Variants in PPARGC1A observed in about 807,000 individuals in gnomAD.
The protein encoded by PPARGC1A is peroxisome proliferator-activated receptor gamma coactivator 1-alpha.
Under a neutral mutation model 88.7 loss-of-function variants are expected in PPARGC1A, and 25 were observed. The ratio of observed to expected loss-of-function variants is 0.28; its 90% CI spans 0.21 to 0.39. PPARGC1A has a LOEUF of 0.39. PPARGC1A is among the 10% of genes least tolerant of loss of function. PPARGC1A has a pLI of 1.00. For missense variants in PPARGC1A, 880 were observed against 968.7 expected (o/e 0.91, Z 1.22); for synonymous variants, 363 against 355.6 (o/e 1.02, Z -0.24).
the PPARGC1A span, among the ~76,000 whole-genome samples, chr4:24,150,189 G>GT: frequency 1.3e-5 from 2 of 152,154 alleles, no homozygotes; most frequent in African/African-American, 4.8e-5. Flanking sequence ...ACCGGGCAGT[G>GT]TTTTGTGGTT....
At chr4:24,303,595 A>G in the PPARGC1A span, among the ~76,000 whole-genome samples, 7 of 152,260 alleles carry the variant, frequency 4.6e-5, no homozygotes, top group African/African-American at 1.7e-4. Context: ...CAGAAATTCA[A>G]TTACATTTCA....
At chr4:24,370,783 C>CTTTTTTTTTTTTTTTTTT in the PPARGC1A span, among the ~76,000 whole-genome samples, 9 of 64,460 alleles carry the variant, frequency 1.4e-4, no homozygotes, top group African/African-American at 1.3e-4. Flanking sequence ...TTTTTTTTTA[C>CTTTTTTTTTTTTTTTTTT]TTTAAGTTCT....
chr4:24,283,813 A>G, the PPARGC1A span, among the ~76,000 whole-genome samples: 2 of 152,218 alleles, frequency 1.3e-5, no homozygotes, highest in Admixed American at 6.5e-5. Flanking sequence ...CAGAAAAGGG[A>G]TAATGACACT....
At chr4:24,061,143 C>T in the PPARGC1A span, among the ~76,000 whole-genome samples, 21 of 152,204 alleles carry the variant, frequency 1.4e-4, no homozygotes, top group African/African-American at 5.1e-4. Context: ...TCTAGAGCCA[C>T]CTCCTAGAAT....
the PPARGC1A span, among the ~76,000 whole-genome samples, chr4:24,445,371 G>T: frequency 6.6e-6 from 1 of 152,210 alleles, no homozygotes; most frequent in Non-Finnish European, 1.5e-5. Flanking sequence ...CCGTAAGGCT[G>T]TGTGGATACA....
At chr4:23,937,724 T>A in the PPARGC1A span, among the ~76,000 whole-genome samples, 1 of 152,084 alleles carries the variant, frequency 6.6e-6, no homozygotes, top group African/African-American at 2.4e-5. Flanking sequence ...ATACATACTA[T>A]AAGTCTGAAT....
At chr4:24,275,343 C>T in the PPARGC1A span, among the ~76,000 whole-genome samples, 1 of 152,208 alleles carries the variant, frequency 6.6e-6, no homozygotes, top group Non-Finnish European at 1.5e-5. Context: ...GCTACAAGGT[C>T]TGTGTAAACT....
chr4:24,381,665 A>T, the PPARGC1A span, among the ~76,000 whole-genome samples: 1 of 152,238 alleles, frequency 6.6e-6, no homozygotes, highest in Non-Finnish European at 1.5e-5. Flanking sequence ...GTGTTACTCA[A>T]GTAATTGAAA....
the PPARGC1A span, among the ~76,000 whole-genome samples, chr4:24,157,938 C>T: frequency 6.6e-6 from 1 of 151,998 alleles, no homozygotes; most frequent in African/African-American, 2.4e-5. Flanking sequence ...AAAAACCACT[C>T]CCCCAACCCC....
At chr4:24,040,523 T>G in the PPARGC1A span, among the ~76,000 whole-genome samples, 1 of 152,142 alleles carries the variant, frequency 6.6e-6, no homozygotes, top group East Asian at 1.9e-4. Flanking sequence ...CACAAGCTCT[T>G]TGGTTCTATT....
the PPARGC1A span, among the ~76,000 whole-genome samples, chr4:24,100,080 C>A: frequency 6.6e-6 from 1 of 152,026 alleles, no homozygotes; most frequent in Non-Finnish European, 1.5e-5. Context: ...ATGTAACAAA[C>A]CTGCATGTTG....
the PPARGC1A span, among the ~76,000 whole-genome samples, chr4:24,347,271 T>C: frequency 6.6e-6 from 1 of 151,172 alleles, no homozygotes; most frequent in Non-Finnish European, 1.5e-5. Context: ...TGTATATATC[T>C]GTGAAGGCCA....
At chr4:24,405,722 C>T in the PPARGC1A span, among the ~76,000 whole-genome samples, 2 of 152,094 alleles carry the variant, frequency 1.3e-5, no homozygotes, top group African/African-American at 4.8e-5. Context: ...TATGGCCAAT[C>T]CCCTTAAGTT....
At chr4:24,019,590 A>G in the PPARGC1A span, among the ~76,000 whole-genome samples, 4 of 152,214 alleles carry the variant, frequency 2.6e-5, no homozygotes, top group Admixed American at 2.0e-4. Context: ...AACTCCGTGT[A>G]TCTAAGGGTT....
chr4:23,820,151 T>G (rs915147454), intron 7 of PPARGC1A, among the ~76,000 whole-genome samples: 3 of 152,136 alleles, frequency 2.0e-5, no homozygotes, highest in Non-Finnish European at 4.4e-5. Flanking sequence ...AAGTACACTT[T>G]GAATGACTGC....
intron 1 of PPARGC1A, among the ~76,000 whole-genome samples, chr4:23,895,771 C>T (rs572354738): frequency 3.9e-5 from 6 of 152,064 alleles, no homozygotes; most frequent in African/African-American, 1.2e-4. Context: ...ACCTCATAGA[C>T]CTAGAACATC....
the PPARGC1A span, among the ~76,000 whole-genome samples, chr4:24,336,981 A>G: frequency 6.6e-6 from 1 of 152,204 alleles, no homozygotes; most frequent in East Asian, 1.9e-4. Flanking sequence ...TATTTCTGCA[A>G]TTTTCAATGG....
the PPARGC1A span, among the ~76,000 whole-genome samples, chr4:24,358,944 T>C: frequency 4.7e-3 from 711 of 152,340 alleles, 9 homozygotes; most frequent in African/African-American, 0.016. Flanking sequence ...GTTTCTTCCA[T>C]GCCAGGAGGA....
chr4:24,358,700 G>A, the PPARGC1A span, among the ~76,000 whole-genome samples: 8 of 152,044 alleles, frequency 5.3e-5, no homozygotes, highest in Non-Finnish European at 7.4e-5. Context: ...TTGCTATACC[G>A]CCCATGCCTT....
Sources: allele counts gnomAD v4.1 joint callset (sites outside exome capture counted in the v4.1 genomes callset), GRCh38; gene constraint gnomAD v4.1.1; transcripts MANE v1.5; gene names NCBI Gene and HGNC (gene_info 2026-07-23, HGNC 2026-07-21).